The following FBRSL1 variants were observed in gnomAD, a reference collection of about 807,000 sequenced individuals.
FBRSL1 encodes the protein fibrosin like 1.
A neutral mutation model predicts 89.6 loss-of-function variants in FBRSL1; 51 were observed. The ratio of observed to expected loss-of-function variants is 0.57; its 90% confidence interval spans 0.45 to 0.72. FBRSL1 has a LOEUF of 0.72. FBRSL1 is among the 30% of genes least tolerant of loss of function. The pLI is 0.00. For missense variants in FBRSL1, 1,618 were observed against 1,451.8 expected (o/e 1.11, Z -1.86); for synonymous variants, 779 against 681.1 (o/e 1.14, Z -2.24).
At chr12:132,509,045 C>T (rs746857958) in intron 2 of FBRSL1, 50 of 1,214,930 alleles carry the variant, frequency 4.1e-5, no homozygotes, top group African/African-American at 1.2e-4. Context: ...CGGCTCTCCT[C>T]GGCCCCCTTG....
intron 9 of FBRSL1, chr12:132,571,580 C>A: frequency 8.4e-7 from 1 of 1,194,264 alleles, no homozygotes; most frequent in Non-Finnish European, 1.1e-6. Context: ...CGGGGACACG[C>A]AGCAGGCACA....
At chr12:132,523,553 T>TGTGTG (rs1186845514) in intron 2 of FBRSL1, among the ~76,000 whole-genome samples, 2 of 152,116 alleles carry the variant, frequency 1.3e-5, no homozygotes, top group African/African-American at 4.8e-5. Flanking sequence ...ACGGCTCAGC[T>TGTGTG]GTGTGGGTGT....
intron 11 of FBRSL1, among the ~76,000 whole-genome samples, chr12:132,573,319 C>A (rs547263603): frequency 6.6e-6 from 1 of 152,196 alleles, no homozygotes; most frequent in Non-Finnish European, 1.5e-5. Context: ...CCCTGAAGGG[C>A]CCAGCACGCA....
At chr12:132,577,772 G>A (rs776494189) in intron 15 of FBRSL1, among the ~76,000 whole-genome samples, 4 of 152,248 alleles carry the variant, frequency 2.6e-5, no homozygotes, top group African/African-American at 4.8e-5. Context: ...GGAGGAAAGT[G>A]GGCTCGAAGT....
At chr12:132,508,767 GT>G (rs2033990832) in intron 2 of FBRSL1, among the ~76,000 whole-genome samples, 1 of 152,260 alleles carries the variant, frequency 6.6e-6, no homozygotes, top group Non-Finnish European at 1.5e-5. Context: ...CCGCTCACGT[GT>G]GCGGCGTGGG....
At chr12:132,568,381 G>A (rs1429045991) in intron 6 of FBRSL1, among the ~76,000 whole-genome samples, 1 of 152,288 alleles carries the variant, frequency 6.6e-6, no homozygotes, top group Non-Finnish European at 1.5e-5. Context: ...CTGCCTTCAA[G>A]TTGGAAGCCT....
intron 4 of FBRSL1, 39 bp from the exon 5 acceptor site, chr12:132,547,964 G>C (rs1272880849): frequency 6.5e-7 from 1 of 1,549,282 alleles, no homozygotes; most frequent in Admixed American, 2.0e-5. Context: ...ACACTGGTTG[G>C]TGGGGCCCCG....
chr12:132,547,440 C>T (rs748023389), intron 4 of FBRSL1, among the ~76,000 whole-genome samples: 20 of 152,234 alleles, frequency 1.3e-4, no homozygotes, highest in Admixed American at 5.2e-4. Flanking sequence ...TAACCCTGAG[C>T]GGCCGTGGCC....
Position 132,581,313 on chromosome 12 carries a change from G to C in FBRSL1, c.1835-126G>C, listed in dbSNP as rs142045363. ...TGACTGGACACGCTTCACCCCTCAGGGCATGCGAGAGAATGGGAGGTGAAG... is the reference window on the plus strand; with the variant it reads ...TGACTGGACACGCTTCACCCCTCAGCGCATGCGAGAGAATGGGAGGTGAAG... On this transcript the variant is annotated intron_variant, in intron 15 of 18. Transcript: ENST00000680143. 9 of 1,537,574 alleles carry C rather than the reference G, an allele frequency of 5.9e-6. No individual in the cohort carries two copies. In the Admixed American group the frequency reaches 1.8e-4, roughly 32 times the overall value.
chr12:132,514,280 C>T (rs1198008382), intron 2 of FBRSL1, among the ~76,000 whole-genome samples: 2 of 152,164 alleles, frequency 1.3e-5, no homozygotes, highest in Non-Finnish European at 2.9e-5. Flanking sequence ...CCGCAGGTGC[C>T]CAAGGGAGAC....
chr12:132,496,782 TA>T (rs1194547582), intron 1 of FBRSL1, among the ~76,000 whole-genome samples: 13 of 152,202 alleles, frequency 8.5e-5, no homozygotes, highest in African/African-American at 3.1e-4. Context: ...CAGCATCAGG[TA>T]GGGGTGACCC....
intron 4 of FBRSL1, among the ~76,000 whole-genome samples, chr12:132,540,888 C>G (rs1331641227): frequency 6.6e-6 from 1 of 152,230 alleles, no homozygotes; most frequent in Non-Finnish European, 1.5e-5. Context: ...AGTAGCCATA[C>G]AGCTGAAGAA....
rs1006487953 is a variant in FBRSL1, at chr12:132,571,312, G to A, written c.1377+81G>A. The A allele has an allele frequency of 4.6e-6, 7 of 1,536,494 alleles. No homozygotes were observed. Among genetic ancestry groups the A allele is most frequent in the South Asian group, 2.4e-5 (2 of 83,610 alleles). ...TCTCTCTTTTTCTCTTGTAGATCAC[G>A]AGCTGCTCAGGCAAGAGCTGAACAC... On this transcript the variant is annotated intron_variant, in intron 9 of 18. Coordinates refer to ENST00000680143, the MANE Select transcript of FBRSL1 (RefSeq NM_001367871.1).
chr12:132,556,327 C>T (rs1187703231), intron 5 of FBRSL1, among the ~76,000 whole-genome samples: 1 of 152,196 alleles, frequency 6.6e-6, no homozygotes, highest in African/African-American at 2.4e-5. Flanking sequence ...GACAGAACCT[C>T]AGAGTCGTTC....
chr12:132,507,367 G>GACAC, intron 1 of FBRSL1: 3 of 985,488 alleles, frequency 3.0e-6, no homozygotes, highest in Non-Finnish European at 3.6e-6. Context: ...CTGGTGCCAG[G>GACAC]AGCTGAGCCA....
chr12:132,572,597 C>T lies in FBRSL1; in HGVS notation c.1505C>T (p.Ser502Phe). 1 of 1,550,896 alleles carries T rather than the reference C, an allele frequency of 6.4e-7. No individual in the cohort carries two copies. The highest frequency in any genetic ancestry group is 8.7e-7 in the Non-Finnish European group (1 of 1,146,786). The part of the protein sequence containing the change: ...TLLPHPGPFG[S>F]LQGAFQPKTS... ...CTCCCACACCCCGGCCCCTTCGGGT[C>T]CCTGCAGGGCGCTTTTCAGCCTAAG... The change falls in exon 11 of 19, where the codon TCC becomes TTC. Residue 502 changes from serine (S) to phenylalanine (F), a missense_variant. Coordinates refer to ENST00000680143, the MANE Select transcript of FBRSL1 (RefSeq NM_001367871.1).
intron 4 of FBRSL1, among the ~76,000 whole-genome samples, chr12:132,538,361 C>T (rs1325027472): frequency 6.6e-6 from 1 of 152,232 alleles, no homozygotes; most frequent in African/African-American, 2.4e-5. Flanking sequence ...AGCCCCACCA[C>T]TCCCCTTTCC....
chr12:132,509,237 A>G, intron 2 of FBRSL1: 6 of 1,253,494 alleles, frequency 4.8e-6, no homozygotes, highest in Non-Finnish European at 5.0e-6. Context: ...AGCGCCAGCA[A>G]CAGCTCCAGC....
At chr12:132,509,713 G>A (rs1373338080) in intron 2 of FBRSL1, 8 of 1,231,110 alleles carry the variant, frequency 6.5e-6, no homozygotes, top group Middle Eastern at 3.1e-4. Context: ...CTGTGGCACC[G>A]CTGCCGACCC....
Sources: gnomAD v4.1 joint callset for allele counts (sites outside exome capture counted in the v4.1 genomes callset) on GRCh38, gnomAD v4.1.1 for gene constraint, MANE v1.5 for transcripts, NCBI Gene and HGNC (gene_info 2026-07-23, HGNC 2026-07-21) for gene names.